PTPRK: variants seen among roughly 807,000 people sequenced by gnomAD.
PTPRK encodes receptor-type tyrosine-protein phosphatase kappa.
A neutral mutation model predicts 178.0 loss-of-function variants in PTPRK; 75 were observed. The observed-to-expected ratio is 0.42, with a 90% CI of 0.35 to 0.51. The LOEUF is 0.51. Among genes scored for constraint, PTPRK ranks in the 20% least tolerant of loss-of-function variants. The probability of loss-of-function intolerance (pLI) is 0.02; values close to 1 mark genes in which losing one functional copy is unlikely to be tolerated. For synonymous variants in PTPRK, 637 were observed against 620.6 expected (o/e 1.03, Z -0.39); for missense variants, 1,441 against 1,797.8 (o/e 0.80, Z 3.59).
At chr6:128,168,399 T>G (rs1799721549) in intron 7 of PTPRK, among the ~76,000 whole-genome samples, 1 of 152,036 alleles carries the variant, frequency 6.6e-6, no homozygotes, top group Admixed American at 6.6e-5. Context: ...ATCATATGAC[T>G]CAGCAATTGG....
chr6:128,188,264 A>G (rs972924832), intron 6 of PTPRK, among the ~76,000 whole-genome samples: 4 of 152,178 alleles, frequency 2.6e-5, no homozygotes, highest in Non-Finnish European at 4.4e-5. Flanking sequence ...AATAATTTTT[A>G]AAAGTGTCTT....
chr6:128,118,222 C>A (rs1490551275), intron 7 of PTPRK, among the ~76,000 whole-genome samples: 2 of 152,144 alleles, frequency 1.3e-5, no homozygotes, highest in African/African-American at 2.4e-5. Context: ...GGATCTATAG[C>A]ATGATTTGCA....
chr6:128,090,362 T>A (rs1786709716), intron 7 of PTPRK, among the ~76,000 whole-genome samples: 1 of 152,220 alleles, frequency 6.6e-6, no homozygotes, highest in Non-Finnish European at 1.5e-5. Context: ...TCAAAATGGA[T>A]AAGACTCAAC....
intron 3 of PTPRK, among the ~76,000 whole-genome samples, chr6:128,307,454 T>C (rs1189267478): frequency 2.7e-5 from 4 of 146,990 alleles, no homozygotes; most frequent in African/African-American, 1.0e-4. Flanking sequence ...CTTTTTTATT[T>C]GTAAAGTAAA....
chr6:128,009,573 A>G (rs1778829080), intron 13 of PTPRK, among the ~76,000 whole-genome samples: 1 of 151,278 alleles, frequency 6.6e-6, no homozygotes, highest in Non-Finnish European at 1.5e-5. Context: ...AAGGTTGTCT[A>G]GCAACTAGTA....
At chr6:128,326,708 A>C (rs1200935492) in intron 2 of PTPRK, among the ~76,000 whole-genome samples, 2 of 152,148 alleles carry the variant, frequency 1.3e-5, no homozygotes, top group Non-Finnish European at 2.9e-5. Context: ...TGACTGGAAA[A>C]ATATGTAGCA....
intron 2 of PTPRK, among the ~76,000 whole-genome samples, chr6:128,370,321 A>G (rs1273292172): frequency 2.0e-5 from 3 of 152,066 alleles, no homozygotes; most frequent in Non-Finnish European, 4.4e-5. Context: ...AATGAGGAAA[A>G]GATTTTGGAA....
chr6:128,482,794 G>A (rs1468566300), intron 1 of PTPRK, among the ~76,000 whole-genome samples: 2 of 152,132 alleles, frequency 1.3e-5, no homozygotes, highest in East Asian at 3.9e-4. Context: ...TGGTTGAATG[G>A]CTTATTCTGG....
Position 128,212,967 on chromosome 6 carries a change from G to A in PTPRK, c.868+5955C>T, listed in dbSNP as rs541300498. 7.9e-4 allele frequency among the ~76,000 whole-genome samples: 120 copies of A among 152,154 alleles called. 1 individual carries two copies. Among genetic ancestry groups the A allele is most frequent in the African/African-American group, 2.7e-3 (112 of 41,546 alleles). On this transcript the variant is annotated intron_variant, in intron 6 of 29. Coordinates refer to ENST00000368226, the MANE Select transcript of PTPRK (RefSeq NM_002844.4). The stretch of plus-strand genomic sequence containing the variant: ...AAAGTATTTGGCATAATGGTGTACA[G>A]AAGTGGATCAAGTAGAGTTTCAGTA...
chr6:128,352,252 T>TG (rs1833268265), intron 2 of PTPRK, among the ~76,000 whole-genome samples: 1 of 9,716 alleles, frequency 1.0e-4, no homozygotes, highest in Non-Finnish European at 2.5e-4. Context: ...AGACTTCATC[T>TG]CAAAAAAAAA....
At chr6:128,505,478 T>C (rs757136489) in intron 1 of PTPRK, among the ~76,000 whole-genome samples, 2 of 151,714 alleles carry the variant, frequency 1.3e-5, no homozygotes, top group East Asian at 2.0e-4. Context: ...AAAAAATAAA[T>C]GAAGATGAGT....
At chr6:128,367,262 G>A (rs1835639452) in intron 2 of PTPRK, among the ~76,000 whole-genome samples, 5 of 152,002 alleles carry the variant, frequency 3.3e-5, no homozygotes, top group Admixed American at 2.0e-4. Flanking sequence ...GACAATTGGC[G>A]ACGCTGAATT....
At chr6:128,023,214 TAAC>T (rs1384102910) in intron 13 of PTPRK, among the ~76,000 whole-genome samples, 1 of 152,164 alleles carries the variant, frequency 6.6e-6, no homozygotes, top group East Asian at 1.9e-4. Flanking sequence ...ATGTGACTAT[TAAC>T]AGTTTTCCCC....
chr6:128,477,361 T>C (rs1191685628), intron 1 of PTPRK, among the ~76,000 whole-genome samples: 1 of 151,924 alleles, frequency 6.6e-6, no homozygotes, highest in Non-Finnish European at 1.5e-5. Flanking sequence ...AGATGTATTA[T>C]AGCTAGGCAA....
At chr6:128,074,250 G>GA (rs1783364696) in intron 11 of PTPRK, among the ~76,000 whole-genome samples, 2 of 151,974 alleles carry the variant, frequency 1.3e-5, no homozygotes, top group African/African-American at 2.4e-5. Flanking sequence ...AAAATGGGTA[G>GA]AGTTTCTATT....
Position 128,245,404 on chromosome 6 carries a change from A to T in PTPRK, c.496-2802T>A, listed in dbSNP as rs1815275672. On this transcript the variant is annotated intron_variant, in intron 3 of 29. Coordinates refer to ENST00000368226, the MANE Select transcript of PTPRK (RefSeq NM_002844.4). The stretch of plus-strand genomic sequence containing the variant: ...CACACTGACTAGACATTATATTGAC[A>T]AGATGGCAGCATGGTTCCATTAAAC... Among the ~76,000 whole-genome samples, 3 of 152,226 alleles carry T rather than the reference A, an allele frequency of 2.0e-5. No individual in the cohort carries two copies. The South Asian group carries it at 6.2e-4, about 32-fold the overall frequency.
chr6:128,135,834 AAAAAAT>A (rs1383897385), intron 7 of PTPRK, among the ~76,000 whole-genome samples: 7 of 151,800 alleles, frequency 4.6e-5, no homozygotes, highest in Admixed American at 4.0e-4. Flanking sequence ...AAAAAATAAA[AAAAAAT>A]AAAAATAAAA....
At chr6:128,365,667 G>A (rs181935995) in intron 2 of PTPRK, among the ~76,000 whole-genome samples, 48 of 152,136 alleles carry the variant, frequency 3.2e-4, no homozygotes, top group Middle Eastern at 3.4e-3. Context: ...AGTTTGTTAC[G>A]TAATTTGTTA....
chr6:128,361,597 A>C (rs1834753522), intron 2 of PTPRK, among the ~76,000 whole-genome samples: 1 of 152,160 alleles, frequency 6.6e-6, no homozygotes, highest in African/African-American at 2.4e-5. Flanking sequence ...CAATAGATAT[A>C]GTCTATTACA....
Sources: gnomAD v4.1 joint callset for allele counts (sites outside exome capture counted in the v4.1 genomes callset) on GRCh38, gnomAD v4.1.1 for gene constraint, MANE v1.5 for transcripts, NCBI Gene and HGNC (gene_info 2026-07-23, HGNC 2026-07-21) for gene names.